PCNT: variants seen among roughly 807,000 people sequenced by gnomAD.
PCNT encodes pericentrin.
A neutral mutation model predicts 380.4 loss-of-function variants in PCNT; 319 were observed. The ratio of observed to expected loss-of-function variants is 0.84; its 90% CI spans 0.77 to 0.92. PCNT has a LOEUF of 0.92. Ranked by LOEUF, PCNT falls within the 40% of genes least tolerant of loss-of-function variation. The pLI is 0.00. For missense variants in PCNT, 4,400 were observed against 4,255.3 expected (o/e 1.03, Z -0.95); for synonymous variants, 1,845 against 1,735.2 (o/e 1.06, Z -1.57).
intron 15 of PCNT, among the ~76,000 whole-genome samples, chr21:46,378,400 T>G (rs1322723531): frequency 1.3e-5 from 2 of 152,188 alleles, no homozygotes; most frequent in Non-Finnish European, 2.9e-5. Flanking sequence ...ACGGCCTCTC[T>G]TGCGCTTTGG....
intron 13 of PCNT, among the ~76,000 whole-genome samples, chr21:46,359,099 C>T (rs753755545): frequency 9.9e-5 from 15 of 152,000 alleles, no homozygotes; most frequent in African/African-American, 1.4e-4. Context: ...TGAGCCACCG[C>T]ACCCAACCAT....
intron 27 of PCNT, among the ~76,000 whole-genome samples, chr21:46,408,665 A>G (rs1601995200): frequency 6.8e-6 from 1 of 146,540 alleles, no homozygotes; most frequent in Admixed American, 6.8e-5. Context: ...ATCTTTTTCT[A>G]TGCTATTTGC....
At chr21:46,390,220 G>A (rs548362716) in intron 19 of PCNT, among the ~76,000 whole-genome samples, 1 of 136,130 alleles carries the variant, frequency 7.3e-6, no homozygotes, top group South Asian at 2.2e-4. Context: ...GGCTGAGGCA[G>A]GAGGATTGCT....
rs1221279851 is a variant in PCNT, at chr21:46,349,026, T to C, written c.1047T>C (p.Asp349=). Residue 349 remains aspartate (D), a synonymous_variant, in exon 7 of 47, where the codon GAT becomes GAC. Coordinates refer to ENST00000359568, the MANE Select transcript of PCNT (RefSeq NM_006031.6). The part of the protein sequence containing the change: ...NAQIVKTLKE[D]WESEKDLCLE... ...TTTTAAATTAGACCCTGAAGGAAGA[T>C]TGGGAATCTGAAAAAGATTTATGTT... 2.5e-6 allele frequency: 4 copies of C among 1,590,440 alleles called. No individual in the cohort carries two copies. In the African/African-American group the frequency reaches 4.0e-5, roughly 16 times the overall value.
intron 17 of PCNT, among the ~76,000 whole-genome samples, chr21:46,386,761 G>A (rs969768014): frequency 1.3e-5 from 2 of 152,236 alleles, no homozygotes; most frequent in Non-Finnish European, 2.9e-5. Context: ...TTTTGCTTTT[G>A]TGTGACTCTG....
intron 35 of PCNT, among the ~76,000 whole-genome samples, chr21:46,429,464 G>T (rs1253282132): frequency 2.0e-5 from 3 of 151,132 alleles, no homozygotes; most frequent in Non-Finnish European, 3.0e-5. Context: ...GGCCGGCACT[G>T]TGCGATCGCT....
chr21:46,341,593 C>T (rs759701229), intron 3 of PCNT, among the ~76,000 whole-genome samples: 33 of 152,082 alleles, frequency 2.2e-4, no homozygotes, highest in Admixed American at 2.2e-3. Flanking sequence ...GCTCTAACTG[C>T]TGGTCTCAAG....
At position 46,349,696 on chromosome 21, in the gene PCNT, A is replaced by T. The variant is rs745322520; in HGVS notation, c.1220A>T (p.Asn407Ile). Residue 407 changes from asparagine (N) to isoleucine (I), a missense_variant, in exon 8 of 47, where the codon AAC (asparagine) becomes ATC (isoleucine). Asn to Ile is a moderately radical substitution (Grantham distance 149). Coordinates refer to ENST00000359568, the MANE Select transcript of PCNT (RefSeq NM_006031.6). ...TTTACCTTTCTAGGGGCCCTTAGGA[A>T]CCTGGAGAGTCATCATCAAGCAGCC... ...DKNQAERALR[N>I]LESHHQAAIE... 2.2e-5 allele frequency: 35 copies of T among 1,613,930 alleles called. No individual in the cohort carries two copies. The highest frequency in any genetic ancestry group is 3.3e-5 in the Admixed American group (2 of 59,998).
At chr21:46,387,700 C>T (rs531873531) in intron 17 of PCNT, among the ~76,000 whole-genome samples, 26 of 152,234 alleles carry the variant, frequency 1.7e-4, no homozygotes, top group African/African-American at 5.8e-4. Flanking sequence ...CACTGCCTCC[C>T]GTTGTCACCT....
intron 9 of PCNT, among the ~76,000 whole-genome samples, chr21:46,352,857 A>G (rs912718425): frequency 6.6e-6 from 1 of 151,852 alleles, no homozygotes; most frequent in African/African-American, 2.4e-5. Flanking sequence ...TGCCCCCCAC[A>G]TCCCTGCCAC....
intron 15 of PCNT, among the ~76,000 whole-genome samples, chr21:46,374,315 C>T (rs943447819): frequency 2.0e-5 from 3 of 152,096 alleles, no homozygotes; most frequent in Non-Finnish European, 4.4e-5. Flanking sequence ...AACCATGATC[C>T]ATTCTCACCT....
chr21:46,407,948 A>G (rs1308663719), intron 27 of PCNT, among the ~76,000 whole-genome samples: 2 of 152,202 alleles, frequency 1.3e-5, no homozygotes, highest in Non-Finnish European at 2.9e-5. Flanking sequence ...TTTTTCAGAT[A>G]GAACCTTAGG....
chr21:46,401,522 C>T, intron 25 of PCNT, 29 bp from the exon 26 acceptor site: 1 of 1,592,460 alleles, frequency 6.3e-7, no homozygotes, highest in Non-Finnish European at 8.6e-7. Flanking sequence ...AAATATTTGC[C>T]TAAAATAGAG....
intron 27 of PCNT, among the ~76,000 whole-genome samples, chr21:46,408,303 G>A (rs950313253): frequency 1.3e-5 from 2 of 152,182 alleles, no homozygotes; most frequent in Admixed American, 6.5e-5. Context: ...TTCACCCATC[G>A]AGGGACATTT....
At position 46,427,609 on chromosome 21, in the gene PCNT, C is replaced by T; in HGVS notation, c.7321-13C>T. On this transcript the variant is annotated splice_polypyrimidine_tract_variant and intron_variant, in intron 33 of 46. Transcript: ENST00000359568. ...ATTTGTGAGGACGCCACGTTTCTTCCTTCTTCCTTTAGGAAGTGCCCACCG... is the reference window on the plus strand; with the variant it reads ...ATTTGTGAGGACGCCACGTTTCTTCTTTCTTCCTTTAGGAAGTGCCCACCG... The T allele has an allele frequency of 6.2e-7, 1 of 1,613,884 alleles. No homozygotes were observed. The highest frequency in any genetic ancestry group is 8.5e-7 in the Non-Finnish European group (1 of 1,180,012).
At chr21:46,430,417 C>G in intron 36 of PCNT, 90 bp from the exon 37 acceptor site, 1 of 1,497,172 alleles carries the variant, frequency 6.7e-7, no homozygotes. Context: ...TGGGACCTGG[C>G]AGGGCTCTGC....
At chr21:46,429,484 C>A (rs562285501) in intron 35 of PCNT, among the ~76,000 whole-genome samples, 232 of 147,870 alleles carry the variant, frequency 1.6e-3, no homozygotes, top group Non-Finnish European at 2.1e-3. Flanking sequence ...TCGTGAGGGG[C>A]ATGGGGGTGG....
Position 46,441,012 on chromosome 21 carries a change from C to G in PCNT, c.9551C>G (p.Ala3184Gly). The part of the protein sequence containing the change: ...IAHLGVFPSK[A>G]ERKITSRPFT... ...CATTTGGGGGTATTTCCTTCCAAAG[C>G]AGAACGGAAAATCACATCTCGTCCT... is the stretch of plus-strand genomic sequence containing the variant. The change falls in exon 43 of 47, where the codon GCA (alanine) becomes GGA (glycine). Residue 3184 changes from alanine (A) to glycine (G), a missense_variant. Transcript: ENST00000359568. 1 of 1,614,066 alleles carries G rather than the reference C, an allele frequency of 6.2e-7. No individual in the cohort carries two copies. The highest frequency in any genetic ancestry group is 1.1e-5 in the South Asian group (1 of 91,086).
In PCNT at chr21:46,411,599, A is replaced by C. The variant is rs747638448; in HGVS notation, c.5526A>C (p.Val1842=). 6.2e-7 allele frequency: 1 copy of C among 1,613,008 alleles called. No individual in the cohort carries two copies. Among genetic ancestry groups the C allele is most frequent in the Non-Finnish European group, 8.5e-7 (1 of 1,179,820 alleles). ...ELQLAELERN[V]ALREAEVEDM... ...AGCTGGCTGAGCTGGAGCGCAATGT[A>C]GCCCTCAGGGAGGCTGAGGTCGAAG... Residue 1842 remains valine, a synonymous_variant, in exon 28 of 47, where the codon GTA becomes GTC. Transcript: ENST00000359568.
Sources: gnomAD v4.1 joint callset for allele counts (sites outside exome capture counted in the v4.1 genomes callset) on GRCh38, gnomAD v4.1.1 for gene constraint, MANE v1.5 for transcripts, NCBI Gene and HGNC (gene_info 2026-07-23, HGNC 2026-07-21) for gene names.